DNAH11: variants seen among roughly 807,000 people sequenced by gnomAD.
The protein encoded by DNAH11 is dynein axonemal heavy chain 11, also known as axonemal beta dynein heavy chain 11.
DNAH11 carries 442 observed loss-of-function variants against 526.0 expected under a neutral mutation model. That is an observed-to-expected ratio of 0.84 (90% CI 0.78 to 0.91). The LOEUF (loss-of-function observed/expected upper bound fraction) is 0.91. Ranked by LOEUF, DNAH11 falls within the 40% of genes least tolerant of loss-of-function variation. DNAH11 has a pLI of 0.00. For missense variants in DNAH11, 6,989 were observed against 5,448.7 expected (o/e 1.28, Z -8.90); for synonymous variants, 2,461 against 1,935.9 (o/e 1.27, Z -7.12).
intron 66 of DNAH11, among the ~76,000 whole-genome samples, chr7:21,849,802 C>T (rs1452921250): frequency 6.6e-6 from 1 of 151,924 alleles, no homozygotes; most frequent in African/African-American, 2.4e-5. Context: ...GATTTTTTGG[C>T]ATTTATCCTG....
chr7:21,885,697 T>C (rs1784100951), intron 76 of DNAH11, among the ~76,000 whole-genome samples: 1 of 152,140 alleles, frequency 6.6e-6, no homozygotes, highest in Non-Finnish European at 1.5e-5. Context: ...AACATATACA[T>C]GTATCAAAAC....
intron 30 of DNAH11, 63 bp downstream of exon 30, chr7:21,659,094 C>T (rs1297179095): frequency 7.5e-7 from 1 of 1,331,576 alleles, no homozygotes; most frequent in Non-Finnish European, 1.0e-6. Flanking sequence ...TTGCTTCATT[C>T]ATTCTTTTAG....
Position 21,599,943 on chromosome 7 carries a change from C to T in DNAH11, c.2824C>T (p.Pro942Ser). Residue 942 changes from proline to serine, a missense_variant, in exon 15 of 82, where the codon CCG (proline) becomes TCG (serine). Coordinates refer to ENST00000409508, the MANE Select transcript of DNAH11 (RefSeq NM_001277115.2). ...TACAGAGAAACAATTGAAACCGGCA[C>T]CGTTTTTTCAAGCACAAATGATCTT... ...KNTEKQLKPA[P>S]FFQAQMILLP... The T allele has an allele frequency of 6.2e-7, 1 of 1,613,468 alleles. No individual in the cohort carries two copies. The highest frequency in any genetic ancestry group is 1.3e-5 in the African/African-American group (1 of 74,952).
At chr7:21,887,791 T>G (rs1019114728) in intron 76 of DNAH11, among the ~76,000 whole-genome samples, 3 of 152,216 alleles carry the variant, frequency 2.0e-5, no homozygotes, top group African/African-American at 7.2e-5. Flanking sequence ...ACACTTTATA[T>G]GTATGATTTC....
At chr7:21,625,808 A>C (rs1226059715) in intron 25 of DNAH11, among the ~76,000 whole-genome samples, 1 of 152,056 alleles carries the variant, frequency 6.6e-6, no homozygotes, top group Non-Finnish European at 1.5e-5. Context: ...TGAGTTTCCA[A>C]AATTCCTCCT....
At chr7:21,554,599 C>G (rs1043763235) in intron 2 of DNAH11, among the ~76,000 whole-genome samples, 1 of 152,156 alleles carries the variant, frequency 6.6e-6, no homozygotes, top group African/African-American at 2.4e-5. Context: ...AATCATTCCC[C>G]TTTCTTTTCC....
At chr7:21,849,193 C>A (rs968971531) in intron 66 of DNAH11, among the ~76,000 whole-genome samples, 2 of 152,120 alleles carry the variant, frequency 1.3e-5, no homozygotes, top group African/African-American at 4.8e-5. Flanking sequence ...CCTCTAATTC[C>A]ATTTTCAAAT....
chr7:21,729,420 C>G (rs940987969), intron 45 of DNAH11, among the ~76,000 whole-genome samples: 3 of 152,204 alleles, frequency 2.0e-5, no homozygotes, highest in South Asian at 4.2e-4. Context: ...AATACACTTT[C>G]TCATGTTCTG....
chr7:21,883,759 G>A, intron 75 of DNAH11, among the ~76,000 whole-genome samples: 1 of 152,148 alleles, frequency 6.6e-6, no homozygotes. Context: ...TCTGCCTAAG[G>A]CTGGGCATGG....
chr7:21,597,279 C>T lies in DNAH11; in HGVS notation c.2668-2508C>T, dbSNP rs1021019980. Among the ~76,000 whole-genome samples the T allele has an allele frequency of 3.3e-5, 5 of 152,068 alleles. No homozygotes were observed. In the East Asian group the frequency reaches 5.8e-4, roughly 18 times the overall value. The stretch of plus-strand genomic sequence containing the variant: ...CTTGGTATGAAAAAGTGTGTATGAC[C>T]GTGACATGATGGGAAAGGCCCTACT... On this transcript the variant is annotated intron_variant, in intron 14 of 81. Transcript: ENST00000409508.
chr7:21,769,003 AAAG>A (rs1787303405), intron 55 of DNAH11, among the ~76,000 whole-genome samples: 1 of 152,220 alleles, frequency 6.6e-6, no homozygotes, highest in African/African-American at 2.4e-5. Flanking sequence ...TAATTTTAAA[AAAG>A]AAATATAAAT....
Position 21,543,313 on chromosome 7 carries a change from C to A in DNAH11, c.68C>A (p.Ser23Ter). Residue 23 changes from serine (S) to a stop codon, truncating the protein, a stop_gained, in exon 1 of 82, where the codon TCG (serine) becomes TAG (stop). Transcript: ENST00000409508. LOFTEE classifies it high-confidence loss of function. ...FREAPTLRLT[S>*]GAGLEAVGAV... Reference sequence around the variant, plus strand: ...GAAGCCCCGACCCTTCGCCTAACCTCGGGGGCCGGCCTGGAGGCAGTGGGC... The same window carrying A: ...GAAGCCCCGACCCTTCGCCTAACCTAGGGGGCCGGCCTGGAGGCAGTGGGC... 6.5e-7 allele frequency: 1 copy of A among 1,549,934 alleles called. No homozygotes were observed. The highest frequency in any genetic ancestry group is 8.7e-7 in the Non-Finnish European group (1 of 1,146,396).
intron 65 of DNAH11, among the ~76,000 whole-genome samples, chr7:21,828,519 T>C (rs1254023329): frequency 2.0e-5 from 3 of 152,176 alleles, no homozygotes; most frequent in Admixed American, 6.5e-5. Flanking sequence ...TCAGTCATCT[T>C]GGTAATAGTT....
intron 31 of DNAH11, among the ~76,000 whole-genome samples, chr7:21,682,162 A>G (rs998648805): frequency 9.8e-5 from 15 of 152,300 alleles, no homozygotes; most frequent in African/African-American, 3.1e-4. Context: ...TCCTTGAACA[A>G]CTAAATTATT....
chr7:21,616,966 C>T (rs1409374248), intron 22 of DNAH11, among the ~76,000 whole-genome samples: 3 of 152,178 alleles, frequency 2.0e-5, no homozygotes, highest in African/African-American at 7.2e-5. Context: ...CCACTCTCGC[C>T]TGTATTTTCC....
chr7:21,851,504 G>C, intron 66 of DNAH11: 1 of 469,502 alleles, frequency 2.1e-6, no homozygotes, highest in South Asian at 1.6e-5. Context: ...AAGGAGAACA[G>C]AAAGTTCTGG....
At position 21,601,564 on chromosome 7, in the gene DNAH11, C is replaced by T. The variant is rs1238328490; in HGVS notation, c.3594C>T (p.Thr1198=). The T allele has an allele frequency of 6.2e-7, 1 of 1,609,234 alleles. No homozygotes were observed. The highest frequency in any genetic ancestry group is 8.5e-7 in the Non-Finnish European group (1 of 1,176,274). ...ELFEPLKETI[T]LLESYGQKMP... ...TTGAACCTCTAAAAGAAACGATCAC[C>T]CTCTTGGAAAGCTATGGCCAGAAGA... is the stretch of plus-strand genomic sequence containing the variant. Residue 1198 remains threonine (T), a synonymous_variant, in exon 18 of 82, where the codon ACC becomes ACT. Transcript: ENST00000409508.
chr7:21,607,561 T>C (rs7786190), intron 20 of DNAH11, among the ~76,000 whole-genome samples: 3,898 of 152,272 alleles, frequency 0.026, 148 homozygotes, highest in African/African-American at 0.088. Flanking sequence ...TTGTTAAGCA[T>C]ATGACTTTCA....
chr7:21,600,644 A>T (rs912565147), intron 15 of DNAH11, 32 bp from the exon 16 acceptor site: 1 of 1,551,486 alleles, frequency 6.4e-7, no homozygotes, highest in African/African-American at 1.4e-5. Context: ...GGTTGGTTTG[A>T]ATAGTAAGTG....
Sources: gnomAD v4.1 joint callset for allele counts (sites outside exome capture counted in the v4.1 genomes callset) on GRCh38, gnomAD v4.1.1 for gene constraint, MANE v1.5 for transcripts, NCBI Gene and HGNC (gene_info 2026-07-23, HGNC 2026-07-21) for gene names.